The following ST3GAL2 variants were observed in gnomAD, a reference collection of about 807,000 sequenced individuals.
The protein encoded by ST3GAL2 is CMP-N-acetylneuraminate-beta-galactosamide-alpha-2,3-sialyltransferase 2.
In ST3GAL2, 16 loss-of-function variants were observed where a neutral mutation model predicts 37.5. The ratio of observed to expected loss-of-function variants is 0.43; its 90% CI spans 0.29 to 0.65. The LOEUF (loss-of-function observed/expected upper bound fraction) is 0.65. ST3GAL2 is among the 30% of genes least tolerant of loss of function. The probability of loss-of-function intolerance (pLI) is 0.17; values close to 1 mark genes in which losing one functional copy is unlikely to be tolerated. For missense variants in ST3GAL2, 383 were observed against 487.8 expected (o/e 0.79, Z 2.02); for synonymous variants, 238 against 202.9 (o/e 1.17, Z -1.47).
At chr16:70,392,874 T>G (rs2047491142) in intron 3 of ST3GAL2, among the ~76,000 whole-genome samples, 1 of 152,038 alleles carries the variant, frequency 6.6e-6, no homozygotes, top group South Asian at 2.1e-4. Context: ...AGCCTCAAAC[T>G]CTTGGGCTCA....
Position 70,378,115 on chromosome 16 carries a change from AATG to A in ST3GAL2, c.*3571_*3573del, listed in dbSNP as rs1427302526. 1.3e-5 allele frequency: 2 copies of A among 152,182 alleles called. No individual in the cohort carries two copies. The highest frequency in any genetic ancestry group is 2.9e-5 in the Non-Finnish European group (2 of 68,032). The allele number at this position is 152,182 out of a possible 1,614,324, so 9.4% of individuals were successfully genotyped here. A position where few individuals can be genotyped will look rare whatever the true frequency, so the allele number is the denominator to read the frequency against. Reference sequence around the variant, plus strand: ...CCATTTTAGCAATAAAGGGAAGTAGAATGATATTTATAGGAGTTTTAAAAATCT... The same window carrying A: ...CCATTTTAGCAATAAAGGGAAGTAGAATATTTATAGGAGTTTTAAAAATCT... On this transcript the variant is annotated 3_prime_UTR_variant, in exon 7 of 7. Coordinates refer to ENST00000342907, the MANE Select transcript of ST3GAL2 (RefSeq NM_006927.4).
chr16:70,438,618 A>G (rs1209004471), intron 1 of ST3GAL2, among the ~76,000 whole-genome samples: 3 of 140,572 alleles, frequency 2.1e-5, no homozygotes, highest in Non-Finnish European at 4.6e-5. Context: ...GTGGACTGGA[A>G]GTCGGGACCA....
rs1302969887 is a variant in ST3GAL2, at chr16:70,382,006, C to T, written c.880-144G>A. The T allele has an allele frequency of 9.3e-6, 8 of 857,760 alleles. No individual in the cohort carries two copies. The South Asian group carries it at 1.4e-4, about 15-fold the overall frequency. The allele number at this position is 857,760 out of a possible 1,614,324, so 53.1% of individuals were successfully genotyped here. A position where few individuals can be genotyped will look rare whatever the true frequency, so the allele number is the denominator to read the frequency against. On this transcript the variant is annotated intron_variant, in intron 6 of 6. Transcript: ENST00000342907. ...CAGGCCTGGCCTAAGGACATGGACT[C>T]ACATGGGGACACCACCTTCCCTTTG... is the stretch of plus-strand genomic sequence containing the variant.
intron 1 of ST3GAL2, among the ~76,000 whole-genome samples, chr16:70,408,978 G>C (rs1162149373): frequency 6.9e-6 from 1 of 145,516 alleles, no homozygotes; most frequent in Non-Finnish European, 1.5e-5. Flanking sequence ...TGGGCCCTGA[G>C]GCACGGGGAG....
intron 1 of ST3GAL2, among the ~76,000 whole-genome samples, chr16:70,414,376 C>T (rs1201570481): frequency 6.6e-6 from 1 of 152,216 alleles, no homozygotes; most frequent in Non-Finnish European, 1.5e-5. Flanking sequence ...GACATGCAAA[C>T]GGGATCTTTC....
intron 3 of ST3GAL2, among the ~76,000 whole-genome samples, chr16:70,391,733 G>T (rs1038284411): frequency 1.3e-5 from 2 of 152,196 alleles, no homozygotes; most frequent in South Asian, 2.1e-4. Context: ...GCTGGCCGGG[G>T]CCTGGGCGGG....
intron 6 of ST3GAL2, 148 bp downstream of exon 6, chr16:70,382,657 A>G (rs764609896): frequency 2.0e-4 from 238 of 1,215,770 alleles, no homozygotes; most frequent in Non-Finnish European, 2.5e-4. Context: ...AGGCATATCT[A>G]TACTTTACAG....
chr16:70,397,607 T>C (rs748428252), intron 2 of ST3GAL2, among the ~76,000 whole-genome samples: 5 of 151,898 alleles, frequency 3.3e-5, no homozygotes, highest in Non-Finnish European at 7.4e-5. Context: ...ATGCCTATAA[T>C]TCCAGCTACT....
chr16:70,438,640 T>C (rs1229923564), intron 1 of ST3GAL2, among the ~76,000 whole-genome samples: 1 of 148,784 alleles, frequency 6.7e-6, no homozygotes, highest in Non-Finnish European at 1.5e-5. Context: ...GGCAGAGAGC[T>C]CTTCCGAGGG....
At chr16:70,431,245 C>A (rs545017833) in intron 1 of ST3GAL2, among the ~76,000 whole-genome samples, 1 of 152,214 alleles carries the variant, frequency 6.6e-6, no homozygotes, top group African/African-American at 2.4e-5. Flanking sequence ...GTTGATTTTT[C>A]CACACCAAAG....
intron 1 of ST3GAL2, among the ~76,000 whole-genome samples, chr16:70,413,413 C>A (rs2047652832): frequency 1.3e-5 from 2 of 148,850 alleles, no homozygotes; most frequent in Middle Eastern, 7.8e-3. Flanking sequence ...GAGACTCTGT[C>A]TCTATAAAAA....
At position 70,399,019 on chromosome 16, in the gene ST3GAL2, AG is replaced by A; in HGVS notation, c.-490del. The stretch of plus-strand genomic sequence containing the variant: ...AGCCCTAGAACTCCAATCACAACAG[AG>A]AGCACAGGGGCTTCAGGGGACTTGG... On this transcript the variant is annotated 5_prime_UTR_variant, in exon 2 of 7. The change abolishes the stop of an existing upstream ORF in the 5' untranslated region. Transcript: ENST00000342907. The A allele has an allele frequency of 2.4e-6, 1 of 409,148 alleles. No homozygotes were observed. Among genetic ancestry groups the A allele is most frequent in the Admixed American group, 4.0e-5 (1 of 24,958 alleles). The allele number at this position is 409,148 out of a possible 1,614,324, so 25.3% of individuals were successfully genotyped here. A position where few individuals can be genotyped will look rare whatever the true frequency, so the allele number is the denominator to read the frequency against.
intron 1 of ST3GAL2, among the ~76,000 whole-genome samples, chr16:70,436,767 C>T (rs2047828211): frequency 1.3e-5 from 2 of 152,096 alleles, no homozygotes; most frequent in South Asian, 4.1e-4. Context: ...AAGGACCAAG[C>T]CAGGTGGTGG....
intron 1 of ST3GAL2, among the ~76,000 whole-genome samples, chr16:70,422,622 C>A (rs2047722925): frequency 6.6e-6 from 1 of 152,138 alleles, no homozygotes; most frequent in Admixed American, 6.5e-5. Context: ...GTGAGCATTG[C>A]CCCAAAGCTC....
intron 3 of ST3GAL2, among the ~76,000 whole-genome samples, chr16:70,392,689 C>A (rs547763877): frequency 6.6e-6 from 1 of 152,310 alleles, no homozygotes; most frequent in East Asian, 1.9e-4. Context: ...GCCATCATCT[C>A]GCTGTAACTC....
chr16:70,419,408 A>G (rs1478735092), intron 1 of ST3GAL2, among the ~76,000 whole-genome samples: 1 of 152,178 alleles, frequency 6.6e-6, no homozygotes, highest in Non-Finnish European at 1.5e-5. Flanking sequence ...CTGCAAATCC[A>G]TAAGACAGGG....
chr16:70,428,953 C>G (rs1470546059), intron 1 of ST3GAL2, among the ~76,000 whole-genome samples: 1 of 152,218 alleles, frequency 6.6e-6, no homozygotes, highest in East Asian at 1.9e-4. Context: ...ATCCTATTAA[C>G]AGTCACCCCA....
chr16:70,420,862 G>C (rs915777443), intron 1 of ST3GAL2, among the ~76,000 whole-genome samples: 1 of 152,218 alleles, frequency 6.6e-6, no homozygotes, highest in African/African-American at 2.4e-5. Context: ...CCTCCAGAGT[G>C]AAGGTATAGA....
At position 70,382,696 on chromosome 16, in the gene ST3GAL2, T is replaced by A. The variant is rs2047414486; in HGVS notation, c.879+109A>T. On this transcript the variant is annotated intron_variant, in intron 6 of 6. Coordinates refer to ENST00000342907, the MANE Select transcript of ST3GAL2 (RefSeq NM_006927.4). ...AGAGATGGGGGAAACCAAGGCCACATGGATTCTGCCTACAGAAGCACATTC... is the reference window on the plus strand; with the variant it reads ...AGAGATGGGGGAAACCAAGGCCACAAGGATTCTGCCTACAGAAGCACATTC... The A allele has an allele frequency of 2.6e-6, 4 of 1,530,024 alleles. No individual in the cohort carries two copies. In the South Asian group the frequency reaches 4.9e-5, roughly 19 times the overall value. The allele number at this position is 1,530,024 out of a possible 1,614,324, so 94.8% of individuals were successfully genotyped here. A position where few individuals can be genotyped will look rare whatever the true frequency, so the allele number is the denominator to read the frequency against.
Sources: allele counts gnomAD v4.1 joint callset (sites outside exome capture counted in the v4.1 genomes callset), GRCh38; gene constraint gnomAD v4.1.1; transcripts MANE v1.5; gene names NCBI Gene and HGNC (gene_info 2026-07-23, HGNC 2026-07-21).